LYN: variants seen among roughly 807,000 people sequenced by gnomAD.
LYN encodes LYN proto-oncogene, Src family tyrosine kinase.
Under a neutral mutation model 65.0 loss-of-function variants are expected in LYN, and 12 were observed. The observed-to-expected ratio is 0.18, with a 90% CI of 0.12 to 0.30. The LOEUF is 0.30. Ranked by LOEUF, LYN falls within the 10% of genes least tolerant of loss-of-function variation. LYN has a pLI of 1.00. For missense variants in LYN, 380 were observed against 623.2 expected (o/e 0.61, Z 4.16); for synonymous variants, 222 against 221.2 (o/e 1.00, Z -0.03).
At chr8:55,908,219 A>C (rs1361137027) in intron 1 of LYN, among the ~76,000 whole-genome samples, 1 of 143,120 alleles carries the variant, frequency 7.0e-6, no homozygotes, top group African/African-American at 2.6e-5. Flanking sequence ...AAGCTGTTTA[A>C]ACCATTTATT....
At chr8:56,001,662 A>G (rs1331829017) in intron 12 of LYN, among the ~76,000 whole-genome samples, 1 of 152,218 alleles carries the variant, frequency 6.6e-6, no homozygotes, top group African/African-American at 2.4e-5. Context: ...AATCAGCCCC[A>G]GTGTCTGATG....
chr8:55,907,313 C>G (rs1419766253), intron 1 of LYN, among the ~76,000 whole-genome samples: 3 of 152,034 alleles, frequency 2.0e-5, no homozygotes, highest in African/African-American at 7.2e-5. Context: ...TTTTTTTCAC[C>G]TATAACGTAT....
chr8:55,902,771 GA>G (rs1805308485), intron 1 of LYN: 11 of 514,086 alleles, frequency 2.1e-5, no homozygotes, highest in South Asian at 1.5e-4. Context: ...TACTGTGATG[GA>G]AGCATAACCT....
rs905215697 is a variant in LYN at position 55,883,413 on chromosome 8, T to C, written c.-6+3310T>C. On this transcript the variant is annotated intron_variant, in intron 1 of 12. Coordinates refer to ENST00000519728, the MANE Select transcript of LYN (RefSeq NM_002350.4). ...CACCATCAAGCTGGGCACTTCAAGC[T>C]GTCTTCTAGAAATGAATTTCTGTGC... 2.0e-5 allele frequency among the ~76,000 whole-genome samples: 3 copies of C among 152,226 alleles called. No homozygotes were observed. In the South Asian group the frequency reaches 6.2e-4, roughly 32 times the overall value.
chr8:55,890,858 G>A (rs1429020421), intron 1 of LYN, among the ~76,000 whole-genome samples: 2 of 151,766 alleles, frequency 1.3e-5, no homozygotes, highest in Non-Finnish European at 2.9e-5. Flanking sequence ...CTCTTGAGTA[G>A]CTGAGACTAC....
chr8:55,939,518 C>T (rs1806535626), intron 1 of LYN, among the ~76,000 whole-genome samples: 1 of 149,936 alleles, frequency 6.7e-6, no homozygotes, highest in African/African-American at 2.5e-5. Context: ...GGCAGGGGAA[C>T]TGCAGGAACG....
chr8:55,916,686 C>G (rs1325100987), intron 1 of LYN, among the ~76,000 whole-genome samples: 1 of 152,180 alleles, frequency 6.6e-6, no homozygotes, highest in Non-Finnish European at 1.5e-5. Context: ...AGGCTGACCT[C>G]TCTCTGGCTC....
In LYN at chr8:55,965,550, G is replaced by A. The variant is rs935131928; in HGVS notation, c.791-1165G>A. Among the ~76,000 whole-genome samples, 4 of 152,210 alleles carry A rather than the reference G, an allele frequency of 2.6e-5. No individual in the cohort carries two copies. The East Asian group carries it at 7.7e-4, about 29-fold the overall frequency. On this transcript the variant is annotated intron_variant, in intron 8 of 12. Transcript: ENST00000519728. ...GAACACCTTTTTTAAAGAAAATGTG[G>A]TAAATAGTTAAAGATATGGTGAACA...
rs551018256 is a variant in LYN at position 55,966,826 on chromosome 8, A to G, written c.902A>G (p.Lys301Arg). 1 of 1,614,100 alleles carries G rather than the reference A, an allele frequency of 6.2e-7. No homozygotes were observed. Among genetic ancestry groups the G allele is most frequent in the South Asian group, 1.1e-5 (1 of 91,082 alleles). The stretch of plus-strand genomic sequence containing the variant: ...CTCATGAAGACCCTGCAGCATGACA[A>G]GCTCGTGAGGCTCTACGCTGTGGTC... ...ANLMKTLQHD[K>R]LVRLYAVVTR... The change falls in exon 9 of 13, where the codon AAG (lysine) becomes AGG (arginine). Residue 301 changes from lysine (K) to arginine (R), a missense_variant. By Grantham distance (26) the Lys-to-Arg change is conservative. This residue lies in a region of LYN where 223 missense variants were observed against 430.0 expected (regional missense o/e 0.52). Coordinates refer to ENST00000519728, the MANE Select transcript of LYN (RefSeq NM_002350.4).
At position 55,987,242 on chromosome 8, in the gene LYN, G is replaced by A. The variant is rs576235921; in HGVS notation, c.1051-11104G>A. Reference sequence around the variant, plus strand: ...ACACTGGGGAACATGATGAAACACCGTCTCTACTAAAATAAAAAAAATTAG... The same window carrying A: ...ACACTGGGGAACATGATGAAACACCATCTCTACTAAAATAAAAAAAATTAG... On this transcript the variant is annotated intron_variant, in intron 10 of 12. Coordinates refer to ENST00000519728, the MANE Select transcript of LYN (RefSeq NM_002350.4). Among the ~76,000 whole-genome samples, 10 of 151,882 alleles carry A rather than the reference G, an allele frequency of 6.6e-5. 1 individual carries two copies. Among genetic ancestry groups the A allele is most frequent in the African/African-American group, 2.4e-4 (10 of 41,394 alleles).
intron 1 of LYN, among the ~76,000 whole-genome samples, chr8:55,897,211 C>G (rs922675932): frequency 6.6e-6 from 1 of 152,166 alleles, no homozygotes; most frequent in African/African-American, 2.4e-5. Context: ...GAAAATCAAG[C>G]AACAGTACAT....
chr8:55,881,502 T>G (rs1275432134), intron 1 of LYN, among the ~76,000 whole-genome samples: 3 of 152,216 alleles, frequency 2.0e-5, no homozygotes, highest in Non-Finnish European at 4.4e-5. Context: ...GTCCCTCCAT[T>G]CTCATTTGGA....
intron 1 of LYN, among the ~76,000 whole-genome samples, chr8:55,897,083 G>C (rs747677629): frequency 6.6e-6 from 1 of 152,126 alleles, no homozygotes; most frequent in Non-Finnish European, 1.5e-5. Context: ...AATGGAATGA[G>C]CTGGTTGGAG....
intron 1 of LYN, among the ~76,000 whole-genome samples, chr8:55,890,980 T>C (rs11995242): frequency 0.39 from 58,631 of 151,476 alleles, 12,061 homozygotes; most frequent in East Asian, 0.67. Flanking sequence ...CTACCTGCTG[T>C]GGCCTCCCAA....
intron 1 of LYN, among the ~76,000 whole-genome samples, chr8:55,909,364 AG>A (rs1051845647): frequency 6.6e-6 from 1 of 152,150 alleles, no homozygotes; most frequent in African/African-American, 2.4e-5. Flanking sequence ...AGGGCCAACA[AG>A]GCCCATGGAG....
chr8:55,933,181 C>T (rs1173104458), intron 1 of LYN, among the ~76,000 whole-genome samples: 5 of 152,232 alleles, frequency 3.3e-5, no homozygotes, highest in African/African-American at 1.2e-4. Context: ...CAACTAATAC[C>T]AACTGTTATA....
intron 1 of LYN, chr8:55,902,917 C>A: frequency 2.9e-6 from 1 of 341,282 alleles, no homozygotes; most frequent in South Asian, 2.4e-5. Flanking sequence ...GGCGCAATCT[C>A]CACTCACTGC....
chr8:55,909,038 CACACACACACACA>C (rs1191789183), intron 1 of LYN, among the ~76,000 whole-genome samples: 1,116 of 64,332 alleles, frequency 0.017, 87 homozygotes, highest in African/African-American at 0.048. Context: ...CACACACACA[CACACACACACACA>C]CCCCACATTT....
At chr8:55,905,461 G>A (rs1805394335) in intron 1 of LYN, among the ~76,000 whole-genome samples, 1 of 152,024 alleles carries the variant, frequency 6.6e-6, no homozygotes, top group African/African-American at 2.4e-5. Flanking sequence ...AAAACATGGT[G>A]GTCAGTGAAT....
Sources: allele counts gnomAD v4.1 joint callset (sites outside exome capture counted in the v4.1 genomes callset), GRCh38; gene constraint gnomAD v4.1.1; regional missense constraint gnomAD v4.1.1; transcripts MANE v1.5; gene names NCBI Gene and HGNC (gene_info 2026-07-23, HGNC 2026-07-21).